The following SAMD11 variants were observed in gnomAD, a reference collection of about 807,000 sequenced individuals.
The protein encoded by SAMD11 is sterile alpha motif domain containing 11.
SAMD11 carries 77 observed loss-of-function variants against 64.4 expected under a neutral mutation model. The observed-to-expected ratio is 1.20, with a 90% confidence interval of 0.99 to 1.44. SAMD11 has a LOEUF of 1.44. SAMD11 is among the 40% of genes most tolerant of loss of function. The pLI is 0.00. For synonymous variants in SAMD11, 658 were observed against 421.9 expected, an observed-to-expected ratio of 1.56 and a Z score of -6.86; for missense variants, 1,402 against 943.3, an observed-to-expected ratio of 1.49 and a Z score of -6.37.
chr1:941,892 G>C (rs1641792242), intron 8 of SAMD11, among the ~76,000 whole-genome samples: 1 of 152,032 alleles, frequency 6.6e-6, no homozygotes, highest in Non-Finnish European at 1.5e-5. Flanking sequence ...GGCGGGGCCG[G>C]CGCCCCGCGC....
At chr1:942,313 C>T (rs555798869) in intron 9 of SAMD11, 62 bp downstream of exon 9, 4 of 1,059,162 alleles carry the variant, frequency 3.8e-6, no homozygotes, top group East Asian at 6.5e-5. Context: ...CCGGCCCTGC[C>T]CCTGTCGGAG....
At chr1:929,743 G>A (rs928394129) in intron 2 of SAMD11, among the ~76,000 whole-genome samples, 2 of 152,232 alleles carry the variant, frequency 1.3e-5, no homozygotes, top group Non-Finnish European at 2.9e-5. Flanking sequence ...ACAAGCCCGG[G>A]ACGGAGGCCT....
chr1:937,527 G>C (rs1366503870), intron 5 of SAMD11, among the ~76,000 whole-genome samples: 1 of 152,096 alleles, frequency 6.6e-6, no homozygotes, highest in Non-Finnish European at 1.5e-5. Flanking sequence ...TGCTAACCCT[G>C]AGGGCATGTG....
At chr1:943,232 G>C in intron 11 of SAMD11, 21 bp from the exon 12 acceptor site, 1 of 1,612,588 alleles carries the variant, frequency 6.2e-7, no homozygotes, top group Non-Finnish European at 8.5e-7. Flanking sequence ...CAGAGCCCTA[G>C]TAACACGCCC....
rs554373504 is a variant in SAMD11 at position 935,760 on chromosome 1, C to A, written c.843-12C>A. On this transcript the variant is annotated splice_polypyrimidine_tract_variant and intron_variant, in intron 4 of 13. Coordinates refer to ENST00000616016, the MANE Select transcript of SAMD11 (RefSeq NM_001385641.1). ...GCCCACGGGGTCAGCTTTTCCCGGTCTCGTTCTGCAGCCAGGACGGCAACC... is the reference window on the plus strand; with the variant it reads ...GCCCACGGGGTCAGCTTTTCCCGGTATCGTTCTGCAGCCAGGACGGCAACC... 6.2e-7 allele frequency: 1 copy of A among 1,613,184 alleles called. No individual in the cohort carries two copies. The highest frequency in any genetic ancestry group is 1.3e-5 in the African/African-American group (1 of 75,064).
chr1:940,307 C>T (rs1041926241), intron 7 of SAMD11: 11 of 140,780 alleles, frequency 7.8e-5, no homozygotes, highest in Non-Finnish European at 1.4e-4. Context: ...CCCCCCCCCC[C>T]CGCCCCGCCG....
rs1640789908 is a variant in SAMD11 at position 924,465 on chromosome 1, G to A, written c.34G>A (p.Glu12Lys). The A allele has an allele frequency of 6.7e-6, 1 of 149,688 alleles. No homozygotes were observed. Among genetic ancestry groups the A allele is most frequent in the Non-Finnish European group, 1.5e-5 (1 of 66,954 alleles). 9.3% of individuals were successfully genotyped at this position (149,688 alleles called of 1,614,324 possible). A position where few individuals can be genotyped will look rare whatever the true frequency, so the allele number is the denominator to read the frequency against. ...GGTCAAGAAGGAGTTCCCGGGCCGC[G>A]AGGACCTGGCCCTGGCTCTGGCCAC... ...PAVKKEFPGR[E>K]DLALALATFH... Residue 12 changes from glutamate (E) to lysine (K), a missense_variant, in exon 1 of 14, where the codon GAG (glutamate) becomes AAG (lysine). Coordinates refer to ENST00000616016, the MANE Select transcript of SAMD11 (RefSeq NM_001385641.1).
intron 2 of SAMD11, 39 bp from the exon 3 acceptor site, chr1:930,116 C>T: frequency 6.5e-7 from 1 of 1,536,034 alleles, no homozygotes; most frequent in Non-Finnish European, 8.8e-7. Flanking sequence ...CCACCTTCCT[C>T]TCCTCCTGCC....
In SAMD11 at chr1:930,416, A is replaced by T. The variant is rs1044514399; in HGVS notation, c.791+80A>T. 7 of 1,427,866 alleles carry T rather than the reference A, an allele frequency of 4.9e-6. No individual in the cohort carries two copies. The African/African-American group carries it at 1.0e-4, about 20-fold the overall frequency. 88.4% of individuals were successfully genotyped at this position (1,427,866 alleles called of 1,614,324 possible). On this transcript the variant is annotated intron_variant, in intron 3 of 13. Coordinates refer to ENST00000616016, the MANE Select transcript of SAMD11 (RefSeq NM_001385641.1). ...TCAGGCCTTCAGCTGCTCAGATGAG[A>T]GTGTCCACACCGGCCTCCCACACCT... is the stretch of plus-strand genomic sequence containing the variant.
rs1014559233 is a variant in SAMD11, at chr1:942,240, G to A, written c.1463G>A (p.Cys488Tyr). The A allele has an allele frequency of 3.2e-5, 42 of 1,330,764 alleles. No individual in the cohort carries two copies. The highest frequency in any genetic ancestry group is 3.9e-5 in the Non-Finnish European group (40 of 1,025,596). The allele number at this position is 1,330,764 out of a possible 1,614,324, so 82.4% of individuals were successfully genotyped here. ...TTCCTGGGGGTGCCCTCGGCTCTGT[G>A]CCAGACCCCAGGTGAGGAGGCGGGT... ...PPFLGVPSAL[C>Y]QTPGYGFLPP... Residue 488 changes from cysteine to tyrosine, a missense_variant, in exon 9 of 14, where the codon TGC becomes TAC. By Grantham distance (194) the Cys-to-Tyr change is radical. Coordinates refer to ENST00000616016, the MANE Select transcript of SAMD11 (RefSeq NM_001385641.1).
chr1:939,183 G>A, intron 6 of SAMD11, 54 bp downstream of exon 6: 1 of 1,553,388 alleles, frequency 6.4e-7, no homozygotes, highest in South Asian at 1.2e-5. Context: ...GGCAGTCCCT[G>A]AGGGTCCCCT....
rs570545306 is a variant in SAMD11, at chr1:925,393, G to A, written c.517+445G>A. 1.5e-3 allele frequency among the ~76,000 whole-genome samples: 174 copies of A among 114,028 alleles called. 2 individuals are homozygous for A. The highest frequency in any genetic ancestry group is 4.4e-3 in the African/African-American group (166 of 37,974). The allele number at this position is 114,028 out of a possible 152,430, so 74.8% of individuals were successfully genotyped here. A position where few individuals can be genotyped will look rare whatever the true frequency, so the allele number is the denominator to read the frequency against. On this transcript the variant is annotated intron_variant, in intron 1 of 13. Transcript: ENST00000616016. ...CGCGGAGCCCGAGCGGCGGCGCCAGGTCACACAACCTGTTTTGGCGCCTGC... is the reference window on the plus strand; with the variant it reads ...CGCGGAGCCCGAGCGGCGGCGCCAGATCACACAACCTGTTTTGGCGCCTGC...
At chr1:939,574 T>TGGAGGACC in intron 7 of SAMD11, 162 bp downstream of exon 7, 101 of 1,328,286 alleles carry the variant, frequency 7.6e-5, no homozygotes, top group Middle Eastern at 5.5e-4. Flanking sequence ...TGCAGGTCCC[T>TGGAGGACC]CTGCCACACG....
chr1:931,147 A>G, intron 4 of SAMD11, 58 bp downstream of exon 4: 3 of 401,408 alleles, frequency 7.5e-6, no homozygotes, highest in South Asian at 5.0e-5. Flanking sequence ...CCTCCCTCCC[A>G]CCCCTGACCG....
At position 943,746 on chromosome 1, in the gene SAMD11, G is replaced by A. The variant is rs1348392674; in HGVS notation, c.2227G>A (p.Glu743Lys). 6 of 1,609,702 alleles carry A rather than the reference G, an allele frequency of 3.7e-6. No homozygotes were observed. The highest frequency in any genetic ancestry group is 5.1e-6 in the Non-Finnish European group (6 of 1,178,194). The change falls in exon 13 of 14, where the codon GAG becomes AAG. Residue 743 changes from glutamate to lysine, a missense_variant. Physicochemically the swap from Glu to Lys is moderately conservative, Grantham distance 56. Coordinates refer to ENST00000616016, the MANE Select transcript of SAMD11 (RefSeq NM_001385641.1). ...CGGGGAGACCCTGCCACTGCTGACG[G>A]AGGAGCACCTGCTGACCAACATGGG... ...IDGETLPLLTEEHLLTNMGLK... is the reference protein window; with the variant it reads ...IDGETLPLLTKEHLLTNMGLK...
In SAMD11 at chr1:941,291, C is replaced by T. The variant is rs781502726; in HGVS notation, c.1343C>T (p.Pro448Leu). 8 of 1,589,752 alleles carry T rather than the reference C, an allele frequency of 5.0e-6. No homozygotes were observed. The Admixed American group carries it at 5.2e-5, about 10-fold the overall frequency. ...HREGAAPAAA[P>L]SFSERELPQP... ...GAGGGCGCCGCCCCAGCTGCCGCCC[C>T]GTCCTTCTCGGAGAGGTACTGGGGT... Residue 448 changes from proline (P) to leucine (L), a missense_variant, in exon 8 of 14, where the codon CCG (proline) becomes CTG (leucine). By Grantham distance (98) the Pro-to-Leu change is moderately conservative. Coordinates refer to ENST00000616016, the MANE Select transcript of SAMD11 (RefSeq NM_001385641.1).
chr1:925,337 G>C (rs1179398485), intron 1 of SAMD11: 1 of 150,810 alleles, frequency 6.6e-6, no homozygotes, highest in Admixed American at 6.6e-5. Context: ...AGCGCGCGGC[G>C]GGGGAGGCTG....
intron 2 of SAMD11, among the ~76,000 whole-genome samples, chr1:926,641 C>T (rs1466866533): frequency 6.6e-6 from 1 of 152,180 alleles, no homozygotes. Context: ...TGGACACCCT[C>T]ACTGAGGGAG....
chr1:927,918 C>T (rs561141481), intron 2 of SAMD11, among the ~76,000 whole-genome samples: 302 of 152,360 alleles, frequency 2.0e-3, no homozygotes, highest in African/African-American at 6.9e-3. Flanking sequence ...GCTGGGGTGC[C>T]GGTGTGTCCC....
Sources: gnomAD v4.1 joint callset for allele counts (sites outside exome capture counted in the v4.1 genomes callset) on GRCh38, gnomAD v4.1.1 for gene constraint, MANE v1.5 for transcripts, NCBI Gene and HGNC (gene_info 2026-07-23, HGNC 2026-07-21) for gene names.